AGAP4: variants seen among roughly 807,000 people sequenced by gnomAD.
AGAP4 encodes ArfGAP with GTPase domain, ankyrin repeat and PH domain 4.
Under a neutral mutation model 60.7 loss-of-function variants are expected in AGAP4, and 13 were observed. The ratio of observed to expected loss-of-function variants is 0.21; its 90% CI spans 0.14 to 0.34. The LOEUF is 0.34. AGAP4 is among the 10% of genes least tolerant of loss of function. The pLI is 1.00. For synonymous variants in AGAP4, 70 were observed against 339.0 expected (o/e 0.21, Z 8.72); for missense variants, 169 against 884.0 (o/e 0.19, Z 10.26).
At position 45,847,489 on chromosome 10, in the gene AGAP4, C is replaced by T. The variant is rs1350665624; in HGVS notation, c.-142G>A. The T allele has an allele frequency of 1.9e-5, 29 of 1,528,742 alleles. No homozygotes were observed. The highest frequency in any genetic ancestry group is 1.5e-4 in the East Asian group (6 of 40,930). The allele number at this position is 1,528,742 out of a possible 1,614,324, so 94.7% of individuals were successfully genotyped here. ...GCCTGCCCACCTCACAGCGCGGCCC[C>T]GGGCACCAGCCCTGGCCCTGGCCCT... On this transcript the variant is annotated 5_prime_UTR_variant, in exon 1 of 8. Coordinates refer to ENST00000616763, the MANE Select transcript of AGAP4 (RefSeq NM_001276343.3).
chr10:45,834,907 G>A (rs1183335097), intron 4 of AGAP4, among the ~76,000 whole-genome samples: 1 of 146,158 alleles, frequency 6.8e-6, no homozygotes, highest in Admixed American at 6.7e-5. Context: ...CTGAGTAGCT[G>A]GGACTACAGG....
intron 5 of AGAP4, 68 bp downstream of exon 5, chr10:45,833,948 G>C: frequency 1.8e-6 from 1 of 543,844 alleles, no homozygotes; most frequent in South Asian, 2.1e-5. Context: ...TGCTGAAAAG[G>C]ACAACCAAAT....
At position 45,845,308 on chromosome 10, in the gene AGAP4, G is replaced by A. The variant is rs879949897; in HGVS notation, c.293-914C>T. On this transcript the variant is annotated intron_variant, in intron 2 of 7. Transcript: ENST00000616763. ...TCCTACCTCTTTAAAAATTAAGAGC[G>A]CAACCAAAGTTTAAATAGAAGAGCT... Among the ~76,000 whole-genome samples the A allele has an allele frequency of 3.3e-5, 3 of 91,836 alleles. 1 individual carries two copies. Among genetic ancestry groups the A allele is most frequent in the South Asian group, 1.3e-3 (2 of 1,600 alleles). 60.2% of individuals were successfully genotyped at this position (91,836 alleles called of 152,430 possible).
chr10:45,847,463 C>A lies in AGAP4; in HGVS notation c.-116G>T. The A allele has an allele frequency of 6.5e-7, 1 of 1,531,036 alleles. No individual in the cohort carries two copies. The highest frequency in any genetic ancestry group is 8.7e-7 in the Non-Finnish European group (1 of 1,145,390). The allele number at this position is 1,531,036 out of a possible 1,614,324, so 94.8% of individuals were successfully genotyped here. On this transcript the variant is annotated 5_prime_UTR_variant, in exon 1 of 8. Transcript: ENST00000616763. Reference sequence around the variant, plus strand: ...TTGCAGAGATGGTCTTCCCGCTCCTCGCCTGCCCACCTCACAGCGCGGCCC... The same window carrying A: ...TTGCAGAGATGGTCTTCCCGCTCCTAGCCTGCCCACCTCACAGCGCGGCCC...
At chr10:45,850,885 T>C (rs1268363887), upstream of AGAP4, among the ~76,000 whole-genome samples, 2 of 152,046 alleles carry the variant, frequency 1.3e-5, no homozygotes, top group Non-Finnish European at 2.9e-5. Flanking sequence ...AATATAAATC[T>C]CTGTAGGCTA....
chr10:45,838,835 G>C (rs1299990203), intron 4 of AGAP4, among the ~76,000 whole-genome samples: 1 of 151,086 alleles, frequency 6.6e-6, no homozygotes, highest in Non-Finnish European at 1.5e-5. Flanking sequence ...TAACACTTTG[G>C]GCATTCAGGA....
chr10:45,838,051 G>A (rs1251793404), intron 4 of AGAP4, among the ~76,000 whole-genome samples: 1 of 150,810 alleles, frequency 6.6e-6, no homozygotes, highest in Admixed American at 6.6e-5. Flanking sequence ...GTCAATCAAT[G>A]AGTGGATAAA....
intron 3 of AGAP4, among the ~76,000 whole-genome samples, chr10:45,843,822 T>C (rs2058958174): frequency 1.3e-5 from 2 of 149,106 alleles, no homozygotes; most frequent in South Asian, 2.1e-4. Flanking sequence ...CCTAAAACTT[T>C]TGAGTAGCGT....
upstream of AGAP4, chr10:45,854,070 A>G (rs1476857194): frequency 6.2e-6 from 2 of 321,326 alleles, no homozygotes; most frequent in Admixed American, 5.1e-5. Flanking sequence ...AATAGCTACG[A>G]CCTGGGGCTG....
chr10:45,853,779 G>C (rs1163077365), exon 1 of AGAP4: 20 of 1,287,690 alleles, frequency 1.6e-5, no homozygotes, highest in Non-Finnish European at 1.9e-5. Context: ...GACAAAGTTT[G>C]TGAAGGCATC....
intron 4 of AGAP4, among the ~76,000 whole-genome samples, chr10:45,838,698 G>C (rs1216497135): frequency 2.0e-5 from 3 of 151,550 alleles, no homozygotes; most frequent in Middle Eastern, 3.4e-3. Flanking sequence ...AGCCTCCTGA[G>C]TAGGTAATAC....
upstream of AGAP4, among the ~76,000 whole-genome samples, chr10:45,852,470 G>T (rs1251222763): frequency 6.7e-6 from 1 of 149,238 alleles, no homozygotes; most frequent in African/African-American, 2.5e-5. Flanking sequence ...AGAAATAACA[G>T]CAGGTTTAGA....
At chr10:45,849,914 G>A (rs1475418149), upstream of AGAP4, among the ~76,000 whole-genome samples, 6 of 150,628 alleles carry the variant, frequency 4.0e-5, no homozygotes, top group Non-Finnish European at 8.9e-5. Flanking sequence ...AGCCAGATTC[G>A]TATATTTTTA....
At chr10:45,849,290 G>C (rs1221681747), upstream of AGAP4, among the ~76,000 whole-genome samples, 136 of 150,922 alleles carry the variant, frequency 9.0e-4, no homozygotes, top group East Asian at 3.8e-3. Flanking sequence ...CACAAGAACA[G>C]CATGAGGATA....
At chr10:45,852,102 C>T (rs1166068730), upstream of AGAP4, among the ~76,000 whole-genome samples, 1 of 149,318 alleles carries the variant, frequency 6.7e-6, no homozygotes, top group African/African-American at 2.5e-5. Context: ...TTAGTAGAGA[C>T]GGGGTTTCAA....
chr10:45,833,025 A>G (rs1206838733), intron 5 of AGAP4, among the ~76,000 whole-genome samples: 2 of 148,242 alleles, frequency 1.3e-5, no homozygotes, highest in East Asian at 4.1e-4. Flanking sequence ...TTTGAATTAT[A>G]TGCTAACATA....
chr10:45,836,224 T>C (rs1554897831), intron 4 of AGAP4, among the ~76,000 whole-genome samples: 2 of 151,106 alleles, frequency 1.3e-5, no homozygotes, highest in African/African-American at 4.8e-5. Context: ...TTCCCAAGTA[T>C]TTTATTTTAG....
At chr10:45,849,897 C>T (rs1554900140), upstream of AGAP4, among the ~76,000 whole-genome samples, 3 of 151,166 alleles carry the variant, frequency 2.0e-5, no homozygotes, top group South Asian at 2.1e-4. Context: ...CATGAGCCAC[C>T]GTGCCCAGCC....
chr10:45,839,995 C>T (rs1363537859), intron 4 of AGAP4, among the ~76,000 whole-genome samples: 1 of 150,040 alleles, frequency 6.7e-6, no homozygotes, highest in Non-Finnish European at 1.5e-5. Flanking sequence ...TCTAAGCAGC[C>T]TAGCATCTGA....
Sources: allele counts gnomAD v4.1 joint callset (sites outside exome capture counted in the v4.1 genomes callset), GRCh38; gene constraint gnomAD v4.1.1; transcripts MANE v1.5; gene names NCBI Gene and HGNC (gene_info 2026-07-23, HGNC 2026-07-21).